CTNNA3: variants seen among roughly 807,000 people sequenced by gnomAD.
The protein encoded by CTNNA3 is catenin alpha-3.
Under a neutral mutation model 95.7 loss-of-function variants are expected in CTNNA3, and 76 were observed. That is an observed-to-expected ratio of 0.79 (90% CI 0.66 to 0.96). The LOEUF is 0.96. Among genes scored for constraint, CTNNA3 ranks in the 40% least tolerant of loss-of-function variants. CTNNA3 has a pLI of 0.00. For missense variants in CTNNA3, 1,191 were observed against 1,089.8 expected, an observed-to-expected ratio of 1.09 and a Z score of -1.31; for synonymous variants, 431 against 374.4, an observed-to-expected ratio of 1.15 and a Z score of -1.74.
chr10:65,942,862 C>T (rs66561597), intron 17 of CTNNA3, among the ~76,000 whole-genome samples: 1 of 151,914 alleles, frequency 6.6e-6, no homozygotes, highest in Non-Finnish European at 1.5e-5. Context: ...TAGTACCTCA[C>T]GGACCAGTTA....
chr10:66,641,074 T>C (rs1291814819), intron 9 of CTNNA3, among the ~76,000 whole-genome samples: 1 of 152,182 alleles, frequency 6.6e-6, no homozygotes, highest in Admixed American at 6.5e-5. Context: ...TATGTATATA[T>C]GTAGTAGAGT....
chr10:66,014,298 G>C (rs1178668098), intron 15 of CTNNA3, among the ~76,000 whole-genome samples: 1 of 152,088 alleles, frequency 6.6e-6, no homozygotes, highest in Non-Finnish European at 1.5e-5. Context: ...CCTGCAAGAA[G>C]CAATTTGGTG....
intron 5 of CTNNA3, among the ~76,000 whole-genome samples, chr10:67,354,234 A>G (rs1842733027): frequency 6.6e-6 from 1 of 152,044 alleles, no homozygotes; most frequent in African/African-American, 2.4e-5. Context: ...TGGGAGATAA[A>G]TTGACCAACT....
chr10:66,425,480 C>T (rs1012147593), intron 11 of CTNNA3, among the ~76,000 whole-genome samples: 2 of 151,838 alleles, frequency 1.3e-5, no homozygotes, highest in African/African-American at 2.4e-5. Flanking sequence ...TGTACACACA[C>T]TCAGATACGC....
At chr10:65,980,065 C>T (rs570894896) in intron 16 of CTNNA3, among the ~76,000 whole-genome samples, 4 of 151,552 alleles carry the variant, frequency 2.6e-5, no homozygotes, top group African/African-American at 7.3e-5. Context: ...TAAATAAAAT[C>T]GATAGATCAT....
At chr10:67,388,704 C>T (rs1282227733) in intron 5 of CTNNA3, among the ~76,000 whole-genome samples, 29 of 151,856 alleles carry the variant, frequency 1.9e-4, no homozygotes, top group South Asian at 4.2e-4. Flanking sequence ...AGACTAACAG[C>T]GGATCTCTCG....
intron 1 of CTNNA3, among the ~76,000 whole-genome samples, chr10:67,744,264 TACGGTA>T (rs1841360660): frequency 6.6e-6 from 1 of 151,310 alleles, no homozygotes; most frequent in African/African-American, 2.4e-5. Context: ...ACTACAAGGC[TACGGTA>T]ACCAAAACAG....
intron 7 of CTNNA3, among the ~76,000 whole-genome samples, chr10:67,166,372 T>TC (rs948504452): frequency 9.2e-5 from 14 of 152,326 alleles, no homozygotes; most frequent in African/African-American, 3.1e-4. Flanking sequence ...TGGTTTTTTT[T>TC]CACACTGGAC....
intron 7 of CTNNA3, chr10:66,926,793 T>C (rs1847102683): frequency 1.0e-6 from 1 of 966,248 alleles, no homozygotes; most frequent in Non-Finnish European, 1.5e-6. Context: ...TACAAAGAGA[T>C]AATATGTGAT....
chr10:66,396,181 A>G (rs1022002890), intron 11 of CTNNA3, among the ~76,000 whole-genome samples: 6 of 152,040 alleles, frequency 3.9e-5, no homozygotes, highest in Non-Finnish European at 8.8e-5. Flanking sequence ...CCAATCAAAT[A>G]ATAGAATACA....
intron 5 of CTNNA3, among the ~76,000 whole-genome samples, chr10:67,370,534 G>C (rs1383948845): frequency 6.6e-6 from 1 of 152,136 alleles, no homozygotes; most frequent in Admixed American, 6.5e-5. Context: ...TCTTACAATA[G>C]TATAGTTTCA....
intron 13 of CTNNA3, among the ~76,000 whole-genome samples, chr10:66,137,186 C>G (rs2083400297): frequency 6.6e-6 from 1 of 152,004 alleles, no homozygotes; most frequent in Non-Finnish European, 1.5e-5. Flanking sequence ...TTTTTTTTAG[C>G]AATCAGCTTC....
chr10:67,750,901 A>C (rs879135896), intron 1 of CTNNA3: 1 of 1,610,450 alleles, frequency 6.2e-7, no homozygotes, highest in Non-Finnish European at 8.5e-7. Context: ...GGGCATCACC[A>C]TTATGGCCTA....
chr10:67,072,889 C>CCTTTTAGAAGCTTTTAGCCTAGA (rs970319031), intron 7 of CTNNA3, among the ~76,000 whole-genome samples: 1 of 152,156 alleles, frequency 6.6e-6, no homozygotes, highest in African/African-American at 2.4e-5. Flanking sequence ...GGAAGCTCTG[C>CCTTTTAGAAGCTTTTAGCCTAGA]CTTTGGCTTC....
chr10:67,275,403 A>T (rs1174352441), intron 5 of CTNNA3, among the ~76,000 whole-genome samples: 2 of 152,186 alleles, frequency 1.3e-5, no homozygotes, highest in African/African-American at 2.4e-5. Flanking sequence ...TAGATAATAG[A>T]TGAGAAACTT....
chr10:67,555,472 A>C (rs909878401), intron 3 of CTNNA3, among the ~76,000 whole-genome samples: 24 of 152,004 alleles, frequency 1.6e-4, no homozygotes, highest in Non-Finnish European at 2.5e-4. Context: ...TCCTTCACAT[A>C]TCTTGTAAGT....
Position 67,561,160 on chromosome 10 carries a change from T to C in CTNNA3, c.293-21491A>G, listed in dbSNP as rs530953072. On this transcript the variant is annotated intron_variant, in intron 3 of 17. Transcript: ENST00000433211. ...GACCTAATAGACATCTACAGAGCTC[T>C]CCACCCCAAATCAACAGAATATACA... is the stretch of plus-strand genomic sequence containing the variant. Among the ~76,000 whole-genome samples, 223 of 145,360 alleles carry C rather than the reference T, an allele frequency of 1.5e-3. 5 individuals are homozygous for C. Among genetic ancestry groups the C allele is most frequent in the African/African-American group, 5.9e-3 (213 of 36,000 alleles).
At chr10:66,127,846 G>A (rs1374239542) in intron 13 of CTNNA3, among the ~76,000 whole-genome samples, 1 of 152,128 alleles carries the variant, frequency 6.6e-6, no homozygotes, top group Non-Finnish European at 1.5e-5. Context: ...GGAGGCCGAG[G>A]CGGGCGAATC....
At chr10:66,171,223 C>A (rs2085410169) in intron 13 of CTNNA3, among the ~76,000 whole-genome samples, 1 of 151,476 alleles carries the variant, frequency 6.6e-6, no homozygotes, top group Non-Finnish European at 1.5e-5. Flanking sequence ...TTAGGCTAAT[C>A]TTAATTTTAA....
Sources: gnomAD v4.1 joint callset for allele counts (sites outside exome capture counted in the v4.1 genomes callset) on GRCh38, gnomAD v4.1.1 for gene constraint, MANE v1.5 for transcripts, NCBI Gene and HGNC (gene_info 2026-07-23, HGNC 2026-07-21) for gene names.